TENM1: variants seen among roughly 807,000 people sequenced by gnomAD.
The protein encoded by TENM1 is teneurin-1.
Under a neutral mutation model 174.8 loss-of-function variants are expected in TENM1, and 35 were observed. The ratio of observed to expected loss-of-function variants is 0.20; its 90% confidence interval spans 0.15 to 0.27. TENM1 has a LOEUF of 0.27. Ranked by LOEUF, TENM1 falls within the 10% of genes least tolerant of loss-of-function variation. The pLI is 1.00. For missense variants in TENM1, 1,633 were observed against 2,130.1 expected (o/e 0.77, Z 4.59); for synonymous variants, 781 against 798.7 (o/e 0.98, Z 0.37).
intron 11 of TENM1, among the ~76,000 whole-genome samples, chrX:124,582,723 AG>A (rs2049356951): frequency 8.9e-6 from 1 of 111,980 alleles, no homozygotes; most frequent in African/African-American, 3.2e-5. Context: ...GAGCTGAAGC[AG>A]GGCGAGGCAT....
At chrX:124,382,065 C>T (rs1299062963) in intron 31 of TENM1, among the ~76,000 whole-genome samples, 1 of 111,235 alleles carries the variant, frequency 9.0e-6, no homozygotes, top group African/African-American at 3.3e-5. Flanking sequence ...ATTTTGTTTT[C>T]GCAAACACAG....
At chrX:125,117,459 C>G in the TENM1 span, among the ~76,000 whole-genome samples, 1 of 111,198 alleles carries the variant, frequency 9.0e-6, no homozygotes, top group Admixed American at 9.6e-5. Flanking sequence ...GAACAGAAAA[C>G]CAAACACTGC....
intron 18 of TENM1, among the ~76,000 whole-genome samples, chrX:124,509,030 G>C (rs1208020196): frequency 9.0e-6 from 1 of 110,940 alleles, no homozygotes; most frequent in African/African-American, 3.3e-5. Context: ...CCCCAGTGGA[G>C]GTTATATTCA....
intron 1 of TENM1, among the ~76,000 whole-genome samples, chrX:124,930,706 T>C (rs1015886236): frequency 3.6e-5 from 4 of 110,957 alleles, no homozygotes; most frequent in Non-Finnish European, 7.5e-5. Context: ...AAATGTTATA[T>C]TGAGAGTCAA....
chrX:124,842,292 T>G (rs933676813), intron 3 of TENM1, among the ~76,000 whole-genome samples: 3 of 111,811 alleles, frequency 2.7e-5, no homozygotes, highest in Non-Finnish European at 5.6e-5. Flanking sequence ...ACTGACAGAA[T>G]TCCTCAGGGC....
intron 23 of TENM1, among the ~76,000 whole-genome samples, chrX:124,426,615 GTCTC>G (rs1353330330): frequency 8.9e-6 from 1 of 111,868 alleles, no homozygotes; most frequent in African/African-American, 3.3e-5. Flanking sequence ...CCATGTCTGA[GTCTC>G]TCCCATACAT....
In TENM1 at chrX:124,671,904, C is replaced by T. The variant is rs1165258055; in HGVS notation, c.1016-69G>A. The T allele has an allele frequency of 3.6e-6, 4 of 1,097,266 alleles. No individual in the cohort carries two copies. In the Admixed American group the frequency reaches 9.9e-5, roughly 27 times the overall value. 90.4% of individuals were successfully genotyped at this position (1,097,266 alleles called of 1,213,427 possible). A position where few individuals can be genotyped will look rare whatever the true frequency, so the allele number is the denominator to read the frequency against. On this transcript the variant is annotated intron_variant, in intron 5 of 31. Coordinates refer to ENST00000422452, the Ensembl canonical transcript of TENM1. ...GAGAACATCTCCAAGCCAGGTATCC[C>T]TTTGCACCTAAAAATGTTACGAACA...
the TENM1 span, among the ~76,000 whole-genome samples, chrX:125,025,089 A>G: frequency 8.9e-6 from 1 of 111,919 alleles, no homozygotes; most frequent in South Asian, 3.7e-4. Context: ...AGTAGTATTC[A>G]TTTTCTTTGG....
chrX:124,653,057 G>GA (rs1256271749), intron 7 of TENM1, among the ~76,000 whole-genome samples: 1 of 111,498 alleles, frequency 9.0e-6, no homozygotes, highest in Admixed American at 9.5e-5. Flanking sequence ...AAAATAAGGA[G>GA]AAGAAAATAA....
chrX:124,525,654 A>G (rs772113903), intron 16 of TENM1, among the ~76,000 whole-genome samples: 3 of 112,423 alleles, frequency 2.7e-5, no homozygotes, highest in Non-Finnish European at 5.6e-5. Context: ...GATTACACAG[A>G]CAGGCCAGGC....
intron 23 of TENM1, among the ~76,000 whole-genome samples, chrX:124,431,502 G>C (rs993528474): frequency 1.8e-5 from 2 of 112,101 alleles, no homozygotes; most frequent in Admixed American, 1.9e-4. Context: ...CTCCATGTTA[G>C]ATTTTTCCGC....
intron 23 of TENM1, among the ~76,000 whole-genome samples, chrX:124,441,193 T>C (rs1002162957): frequency 1.8e-5 from 2 of 111,723 alleles, no homozygotes; most frequent in African/African-American, 6.5e-5. Flanking sequence ...AATGGCAGAA[T>C]ATGGACTCAC....
intron 23 of TENM1, among the ~76,000 whole-genome samples, chrX:124,428,787 A>G (rs973150450): frequency 8.9e-6 from 1 of 111,981 alleles, no homozygotes. Context: ...TTACCATTCA[A>G]TGTAGCTCCT....
At chrX:124,876,880 C>A (rs1196675632) in intron 3 of TENM1, among the ~76,000 whole-genome samples, 1 of 111,687 alleles carries the variant, frequency 9.0e-6, no homozygotes. Flanking sequence ...CATTCAATAT[C>A]CTCTGTCTCT....
chrX:124,848,822 G>A (rs996469455), intron 3 of TENM1, among the ~76,000 whole-genome samples: 1 of 111,255 alleles, frequency 9.0e-6, no homozygotes, highest in South Asian at 3.8e-4. Flanking sequence ...GTTACAGAAC[G>A]CACATATAAC....
chrX:124,404,972 CAAACAAACAAACA>C (rs2060445871), intron 27 of TENM1, 46 bp downstream of exon 30: 2 of 1,055,619 alleles, frequency 1.9e-6, no homozygotes, highest in Non-Finnish European at 2.6e-6. Flanking sequence ...AACAAACAAA[CAAACAAACAAACA>C]AAACACCTAT....
At chrX:124,627,889 T>C (rs1602838767) in intron 11 of TENM1, among the ~76,000 whole-genome samples, 1 of 111,404 alleles carries the variant, frequency 9.0e-6, no homozygotes, top group Non-Finnish European at 1.9e-5. Flanking sequence ...AAAGCCTGAG[T>C]TTCCCCAGCC....
At chrX:124,467,407 G>A (rs1288317247) in intron 22 of TENM1, among the ~76,000 whole-genome samples, 2 of 111,576 alleles carry the variant, frequency 1.8e-5, no homozygotes, top group Non-Finnish European at 3.8e-5. Flanking sequence ...CTCATTATAC[G>A]GAGGCTCTCT....
the TENM1 span, among the ~76,000 whole-genome samples, chrX:125,075,900 C>T: frequency 5.4e-5 from 6 of 111,145 alleles, no homozygotes; most frequent in Non-Finnish European, 9.4e-5. Context: ...CCTTTTGTCA[C>T]ATAATCATAA....
Sources: gnomAD v4.1 joint callset for allele counts (sites outside exome capture counted in the v4.1 genomes callset) on GRCh38, gnomAD v4.1.1 for gene constraint, MANE v1.5 for transcripts, NCBI Gene and HGNC (gene_info 2026-07-23, HGNC 2026-07-21) for gene names.